Variants in DPP10 observed in about 807,000 individuals in gnomAD.
DPP10 encodes the protein inactive dipeptidyl peptidase 10.
In DPP10, 33 loss-of-function variants were observed where a neutral mutation model predicts 120.9. That is an observed-to-expected ratio of 0.27 (90% CI 0.21 to 0.37). DPP10 has a LOEUF of 0.37. Ranked by LOEUF, DPP10 falls within the 10% of genes least tolerant of loss-of-function variation. The pLI is 1.00. For synonymous variants in DPP10, 337 were observed against 326.1 expected (o/e 1.03, Z -0.36); for missense variants, 816 against 942.8 (o/e 0.87, Z 1.76).
chr2:115,807,325 G>A (rs192713735), intron 19 of DPP10, among the ~76,000 whole-genome samples: 1 of 152,094 alleles, frequency 6.6e-6, no homozygotes, highest in East Asian at 1.9e-4. Flanking sequence ...ATTTTCATGT[G>A]CTGTCCAAGA....
At chr2:114,777,731 A>G (rs1222547038) in intron 1 of DPP10, among the ~76,000 whole-genome samples, 3 of 152,128 alleles carry the variant, frequency 2.0e-5, no homozygotes, top group African/African-American at 7.2e-5. Flanking sequence ...TTAAATGACT[A>G]CTTTACATCT....
intron 3 of DPP10, among the ~76,000 whole-genome samples, chr2:115,456,322 G>T (rs2073538816): frequency 6.6e-6 from 1 of 152,304 alleles, no homozygotes; most frequent in South Asian, 2.1e-4. Flanking sequence ...AGATGCTGGA[G>T]AGGATGTGGA....
chr2:115,829,990 G>A (rs1156471470), intron 21 of DPP10, among the ~76,000 whole-genome samples: 1 of 151,794 alleles, frequency 6.6e-6, no homozygotes, highest in Non-Finnish European at 1.5e-5. Flanking sequence ...TTTTTTTTAA[G>A]AATTATGTGT....
At chr2:115,052,534 C>T (rs1705577035) in intron 1 of DPP10, among the ~76,000 whole-genome samples, 1 of 152,082 alleles carries the variant, frequency 6.6e-6, no homozygotes, top group Admixed American at 6.5e-5. Flanking sequence ...AAGCGTTTCT[C>T]CAAAGAGGAT....
At chr2:115,760,432 G>T (rs1437629471) in intron 11 of DPP10, among the ~76,000 whole-genome samples, 1 of 152,178 alleles carries the variant, frequency 6.6e-6, no homozygotes, top group African/African-American at 2.4e-5. Flanking sequence ...CTCTGGGGAG[G>T]AGCATGAGTT....
At chr2:114,504,882 T>A (rs955513326) in intron 1 of DPP10, among the ~76,000 whole-genome samples, 1 of 151,728 alleles carries the variant, frequency 6.6e-6, no homozygotes, top group African/African-American at 2.4e-5. Context: ...CAAAACCCCA[T>A]TTCTACTAAA....
Position 115,595,009 on chromosome 2 carries a change from A to G in DPP10, c.441+69037A>G, listed in dbSNP as rs1327802651. ...TCTATATGATTTTAACATACCAAAT[A>G]AGCTGAATATGTCTTTCAGGGGACC... On this transcript the variant is annotated intron_variant, in intron 5 of 25. Transcript: ENST00000410059. Among the ~76,000 whole-genome samples the G allele has an allele frequency of 1.3e-5, 2 of 152,144 alleles. 1 individual carries two copies. The highest frequency in any genetic ancestry group is 1.3e-4 in the Admixed American group (2 of 15,264).
chr2:115,025,186 A>G (rs1703371215), intron 1 of DPP10, among the ~76,000 whole-genome samples: 1 of 49,298 alleles, frequency 2.0e-5, no homozygotes, highest in Admixed American at 2.9e-4. Flanking sequence ...GTAACCACCA[A>G]TCTTCTCTCT....
intron 1 of DPP10, among the ~76,000 whole-genome samples, chr2:114,455,917 A>G (rs1355320961): frequency 6.6e-6 from 1 of 152,140 alleles, no homozygotes; most frequent in African/African-American, 2.4e-5. Context: ...AACTGGGCCT[A>G]CTACTCAGTC....
chr2:115,838,289 A>G (rs943644005), intron 24 of DPP10, among the ~76,000 whole-genome samples: 2 of 152,206 alleles, frequency 1.3e-5, no homozygotes, highest in Admixed American at 1.3e-4. Context: ...CCTTACATAT[A>G]TATCAACAGT....
At chr2:115,155,477 A>T (rs1458619939) in intron 1 of DPP10, among the ~76,000 whole-genome samples, 1 of 151,962 alleles carries the variant, frequency 6.6e-6, no homozygotes, top group Non-Finnish European at 1.5e-5. Context: ...AAGATTAAAC[A>T]CTCTTATAAG....
chr2:115,296,556 C>G (rs969427631), intron 1 of DPP10, among the ~76,000 whole-genome samples: 1 of 151,986 alleles, frequency 6.6e-6, no homozygotes, highest in Non-Finnish European at 1.5e-5. Flanking sequence ...GATCTAAGCT[C>G]TTTCTGACCT....
intron 1 of DPP10, among the ~76,000 whole-genome samples, chr2:114,961,475 G>A (rs904653576): frequency 5.3e-5 from 8 of 151,686 alleles, no homozygotes; most frequent in Non-Finnish European, 7.4e-5. Flanking sequence ...GTGTGTGCGC[G>A]CGCACATTTC....
chr2:115,200,538 T>C (rs2055626424), intron 1 of DPP10, among the ~76,000 whole-genome samples: 1 of 152,230 alleles, frequency 6.6e-6, no homozygotes. Context: ...GACTATTCAT[T>C]ATGCGGAAGA....
intron 1 of DPP10, among the ~76,000 whole-genome samples, chr2:114,827,880 G>GT (rs1686707925): frequency 6.6e-6 from 1 of 151,992 alleles, no homozygotes; most frequent in African/African-American, 2.4e-5. Context: ...CAGCAATAGT[G>GT]TTTTCAGATA....
intron 1 of DPP10, among the ~76,000 whole-genome samples, chr2:115,169,232 G>C (rs972894953): frequency 1.3e-5 from 2 of 152,096 alleles, no homozygotes; most frequent in African/African-American, 4.8e-5. Context: ...TGAGAATGTT[G>C]CAATAATTAG....
At chr2:115,767,824 C>A (rs1266369424) in intron 12 of DPP10, among the ~76,000 whole-genome samples, 1 of 151,988 alleles carries the variant, frequency 6.6e-6, no homozygotes, top group African/African-American at 2.4e-5. Flanking sequence ...TTTATGAATA[C>A]ATTATCAGAA....
intron 1 of DPP10, among the ~76,000 whole-genome samples, chr2:114,906,773 G>A (rs374359334): frequency 6.6e-6 from 1 of 152,006 alleles, no homozygotes; most frequent in East Asian, 1.9e-4. Flanking sequence ...ATTTTGTTAG[G>A]TTCTCTATTT....
chr2:115,290,200 T>G (rs747323304), intron 1 of DPP10, among the ~76,000 whole-genome samples: 69 of 152,068 alleles, frequency 4.5e-4, no homozygotes, highest in Non-Finnish European at 7.9e-4. Context: ...ATATGTAAAT[T>G]GTATTTTTAA....
Sources: allele counts gnomAD v4.1 joint callset (sites outside exome capture counted in the v4.1 genomes callset), GRCh38; gene constraint gnomAD v4.1.1; transcripts MANE v1.5; gene names NCBI Gene and HGNC (gene_info 2026-07-23, HGNC 2026-07-21).